The following ARHGAP18 variants were observed in gnomAD, a reference collection of about 807,000 sequenced individuals.
The protein encoded by ARHGAP18 is Rho GTPase activating protein 18.
In ARHGAP18, 67 loss-of-function variants were observed where a neutral mutation model predicts 86.2. The observed-to-expected ratio is 0.78, with a 90% CI of 0.64 to 0.95. The LOEUF is 0.95. Among genes scored for constraint, ARHGAP18 ranks in the 40% least tolerant of loss-of-function variants. The pLI is 0.00. For missense variants in ARHGAP18, 691 were observed against 780.4 expected, an observed-to-expected ratio of 0.89 and a Z score of 1.37; for synonymous variants, 283 against 280.4, an observed-to-expected ratio of 1.01 and a Z score of -0.09.
chr6:129,616,394 G>T, intron 6 of ARHGAP18, 91 bp from the exon 7 acceptor site: 2 of 991,070 alleles, frequency 2.0e-6, no homozygotes, highest in Non-Finnish European at 3.0e-6. Flanking sequence ...TGATACTGTC[G>T]ATCAGACAAC....
At chr6:129,641,299 G>A (rs959367273) in intron 2 of ARHGAP18, among the ~76,000 whole-genome samples, 2 of 152,220 alleles carry the variant, frequency 1.3e-5, no homozygotes, top group African/African-American at 2.4e-5. Flanking sequence ...AGGCTATCAT[G>A]TAAAAATAGA....
chr6:129,616,488 T>A (rs1473757400), intron 6 of ARHGAP18, among the ~76,000 whole-genome samples, 185 bp from the exon 7 acceptor site: 1 of 152,144 alleles, frequency 6.6e-6, no homozygotes, highest in Non-Finnish European at 1.5e-5. Flanking sequence ...GGCCCTGCCT[T>A]ATAGAGGAAT....
chr6:129,705,822 C>T (rs961479962), intron 1 of ARHGAP18, among the ~76,000 whole-genome samples: 5 of 152,110 alleles, frequency 3.3e-5, no homozygotes, highest in Non-Finnish European at 7.3e-5. Context: ...TTATGAAGTT[C>T]AATTTATGGG....
intron 5 of ARHGAP18, among the ~76,000 whole-genome samples, chr6:129,625,926 TTA>T (rs1350850322): frequency 4.2e-4 from 41 of 98,358 alleles, no homozygotes; most frequent in Middle Eastern, 4.8e-3. Context: ...TTATAGATAT[TTA>T]TATATTATAT....
chr6:129,695,286 C>T (rs545222278), intron 1 of ARHGAP18, among the ~76,000 whole-genome samples: 8 of 152,102 alleles, frequency 5.3e-5, no homozygotes, highest in East Asian at 3.9e-4. Flanking sequence ...AGAAACTCAT[C>T]GCTTGCTAAC....
intron 5 of ARHGAP18, 118 bp downstream of exon 5, chr6:129,629,235 C>G: frequency 1.4e-6 from 1 of 733,938 alleles, no homozygotes; most frequent in African/African-American, 2.0e-5. Context: ...GTCTGTCTGT[C>G]TCTCTCTCTC....
At chr6:129,587,256 C>T (rs1027457334) in intron 12 of ARHGAP18, among the ~76,000 whole-genome samples, 1 of 151,988 alleles carries the variant, frequency 6.6e-6, no homozygotes, top group East Asian at 1.9e-4. Context: ...TATGGTATTC[C>T]CTCCACTACC....
intron 1 of ARHGAP18, among the ~76,000 whole-genome samples, chr6:129,690,832 A>G (rs1448829264): frequency 6.6e-6 from 1 of 151,264 alleles, no homozygotes; most frequent in Admixed American, 6.6e-5. Flanking sequence ...AATATTTCAC[A>G]ACATCTGAAT....
chr6:129,635,973 G>C (rs1347968883), intron 3 of ARHGAP18, among the ~76,000 whole-genome samples: 1 of 152,144 alleles, frequency 6.6e-6, no homozygotes, highest in Admixed American at 6.5e-5. Context: ...ACATCCTCTT[G>C]GAGACTGGCA....
rs1212086323 is a variant in ARHGAP18 at position 129,577,577 on chromosome 6, T to C, written c.*936A>G. 6.6e-6 allele frequency: 1 copy of C among 151,850 alleles called. No homozygotes were observed. The highest frequency in any genetic ancestry group is 2.4e-5 in the African/African-American group (1 of 41,276). 9.4% of individuals were successfully genotyped at this position (151,850 alleles called of 1,614,324 possible). ...AAGAATAATTCTTCCAGTAGACTTA[T>C]TCAGGACTTAAAAAAAAAAATCCCT... is the stretch of plus-strand genomic sequence containing the variant. On this transcript the variant is annotated 3_prime_UTR_variant, in exon 15 of 15. Coordinates refer to ENST00000368149, the MANE Select transcript of ARHGAP18 (RefSeq NM_033515.3).
intron 1 of ARHGAP18, among the ~76,000 whole-genome samples, chr6:129,645,656 C>A (rs562537575): frequency 2.0e-5 from 3 of 152,164 alleles, no homozygotes; most frequent in Non-Finnish European, 4.4e-5. Flanking sequence ...CAGAACTAGA[C>A]GCTGTCCTCT....
chr6:129,652,157 T>C (rs776723055), intron 1 of ARHGAP18, among the ~76,000 whole-genome samples: 3 of 152,230 alleles, frequency 2.0e-5, no homozygotes, highest in East Asian at 3.8e-4. Flanking sequence ...CTGGCATCCC[T>C]GCCCCTCCCC....
At chr6:129,630,796 T>C (rs916049937) in intron 4 of ARHGAP18, among the ~76,000 whole-genome samples, 1 of 152,138 alleles carries the variant, frequency 6.6e-6, no homozygotes, top group African/African-American at 2.4e-5. Context: ...TGCTGTTACA[T>C]CCTGAAATGT....
At chr6:129,599,059 G>A in intron 12 of ARHGAP18, 157 bp downstream of exon 12, 1 of 577,062 alleles carries the variant, frequency 1.7e-6, no homozygotes, top group South Asian at 2.9e-5. Context: ...ATTAGCAGCA[G>A]TAGTAGGAAG....
At chr6:129,706,436 C>T (rs553145736) in intron 1 of ARHGAP18, among the ~76,000 whole-genome samples, 3 of 152,274 alleles carry the variant, frequency 2.0e-5, no homozygotes, top group South Asian at 2.1e-4. Flanking sequence ...AAGGGAGAGG[C>T]TCTAACCAGG....
chr6:129,599,213 T>C lies in ARHGAP18; in HGVS notation c.1713+3A>G, dbSNP rs752599904. 2 of 1,537,480 alleles carry C rather than the reference T, an allele frequency of 1.3e-6. No individual in the cohort carries two copies. The highest frequency in any genetic ancestry group is 4.6e-5 in the Admixed American group (2 of 43,940). On this transcript the variant is annotated splice_donor_region_variant and intron_variant, in intron 12 of 14. Coordinates refer to ENST00000368149, the MANE Select transcript of ARHGAP18 (RefSeq NM_033515.3). ...TAAATACATATCTCCACTATTTTCT[T>C]ACATCATTTGTACTCTTATCTTGCT...
intron 1 of ARHGAP18, among the ~76,000 whole-genome samples, chr6:129,685,801 C>CA (rs1422695035): frequency 2.0e-5 from 3 of 150,380 alleles, no homozygotes; most frequent in Non-Finnish European, 4.5e-5. Context: ...GATCTACACA[C>CA]AAAAATGAAT....
intron 12 of ARHGAP18, among the ~76,000 whole-genome samples, chr6:129,586,487 T>C (rs1279262403): frequency 6.6e-6 from 1 of 152,116 alleles, no homozygotes; most frequent in Non-Finnish European, 1.5e-5. Context: ...ATGCACTTTA[T>C]ATTGAGGTTA....
chr6:129,616,147 G>T, intron 7 of ARHGAP18, 65 bp downstream of exon 7: 1 of 1,228,906 alleles, frequency 8.1e-7, no homozygotes, highest in South Asian at 1.5e-5. Flanking sequence ...ATAATAATAT[G>T]AATACAAAAA....
Sources: gnomAD v4.1 joint callset for allele counts (sites outside exome capture counted in the v4.1 genomes callset) on GRCh38, gnomAD v4.1.1 for gene constraint, MANE v1.5 for transcripts, NCBI Gene and HGNC (gene_info 2026-07-23, HGNC 2026-07-21) for gene names.